SIPA1L1: variants seen among roughly 807,000 people sequenced by gnomAD.
The protein encoded by SIPA1L1 is signal induced proliferation associated 1 like 1.
In SIPA1L1, 26 loss-of-function variants were observed where a neutral mutation model predicts 162.7. The observed-to-expected ratio is 0.16, with a 90% CI of 0.12 to 0.22. The LOEUF is 0.22. SIPA1L1 is among the 10% of genes least tolerant of loss of function. The pLI is 1.00. For missense variants in SIPA1L1, 1,874 were observed against 2,241.0 expected (o/e 0.84, Z 3.31); for synonymous variants, 829 against 837.4 (o/e 0.99, Z 0.17).
At chr14:71,359,910 A>G (rs2037639098) in intron 2 of SIPA1L1, among the ~76,000 whole-genome samples, 1 of 152,218 alleles carries the variant, frequency 6.6e-6, no homozygotes, top group Non-Finnish European at 1.5e-5. Flanking sequence ...ACAGACTTGG[A>G]CATGTAGCTG....
chr14:71,397,281 T>C (rs937485816), intron 2 of SIPA1L1, among the ~76,000 whole-genome samples: 2 of 152,214 alleles, frequency 1.3e-5, no homozygotes, highest in Non-Finnish European at 2.9e-5. Context: ...GTTTTCCGTG[T>C]GTTGTCAGTT....
chr14:71,394,867 A>G (rs988234342), intron 2 of SIPA1L1, among the ~76,000 whole-genome samples: 50 of 152,234 alleles, frequency 3.3e-4, no homozygotes, highest in Non-Finnish European at 1.0e-4. Context: ...TCGTTTTAAT[A>G]CTAACTCAAA....
At chr14:71,681,092 G>A (rs564817071) in intron 12 of SIPA1L1, among the ~76,000 whole-genome samples, 2 of 152,198 alleles carry the variant, frequency 1.3e-5, no homozygotes, top group Non-Finnish European at 2.9e-5. Flanking sequence ...ATGAGGCTGG[G>A]AGAAGTTCAG....
At chr14:71,500,818 C>A (rs1333198583) in intron 2 of SIPA1L1, among the ~76,000 whole-genome samples, 1 of 151,036 alleles carries the variant, frequency 6.6e-6, no homozygotes, top group East Asian at 2.0e-4. Flanking sequence ...ACCAGCCTGA[C>A]CAACATGGAG....
chr14:71,663,201 A>T (rs1431097858), intron 10 of SIPA1L1, among the ~76,000 whole-genome samples: 2 of 152,206 alleles, frequency 1.3e-5, no homozygotes, highest in Non-Finnish European at 2.9e-5. Context: ...TTATTTACTC[A>T]GTATATCTAA....
chr14:71,324,001 G>A (rs961946126), intron 2 of SIPA1L1, among the ~76,000 whole-genome samples: 2 of 152,038 alleles, frequency 1.3e-5, no homozygotes, highest in African/African-American at 4.8e-5. Flanking sequence ...AGAAGGTCTG[G>A]GTTTCAAATA....
chr14:71,372,721 A>G (rs1427905239), intron 2 of SIPA1L1, among the ~76,000 whole-genome samples: 1 of 152,150 alleles, frequency 6.6e-6, no homozygotes, highest in Non-Finnish European at 1.5e-5. Context: ...GGCAAGTTAT[A>G]GCCATAAACA....
chr14:71,672,453 C>T lies in SIPA1L1; in HGVS notation c.2935C>T (p.Pro979Ser), dbSNP rs139827090. 38 of 1,614,194 alleles carry T rather than the reference C, an allele frequency of 2.4e-5. No individual in the cohort carries two copies. Among genetic ancestry groups the T allele is most frequent in the Non-Finnish European group, 2.6e-5 (31 of 1,180,038 alleles). ...NYEGIVADVE[P>S]YGYAWQAGLR... The stretch of plus-strand genomic sequence containing the variant: ...TGAGGGCATTGTGGCGGATGTGGAG[C>T]CCTACGGTTATGCCTGGCAGGCAGG... The change falls in exon 12 of 24, where the codon CCC becomes TCC. Residue 979 changes from proline to serine, a missense_variant. This residue lies in a region of SIPA1L1 where 936 missense variants were observed against 1,051.9 expected (regional missense o/e 0.89). Coordinates refer to ENST00000381232, the MANE Select transcript of SIPA1L1 (RefSeq NM_001386936.1).
At chr14:71,404,030 CAGTT>C (rs559909062) in intron 2 of SIPA1L1, among the ~76,000 whole-genome samples, 26 of 112,126 alleles carry the variant, frequency 2.3e-4, no homozygotes, top group African/African-American at 8.7e-4. Context: ...GTTTTGGTTT[CAGTT>C]AAAGTCAGTA....
chr14:71,380,695 A>T (rs542152819), intron 2 of SIPA1L1, among the ~76,000 whole-genome samples: 1 of 152,324 alleles, frequency 6.6e-6, no homozygotes, highest in Non-Finnish European at 1.5e-5. Flanking sequence ...CATAGCTCTT[A>T]GCCTTGGGAA....
At chr14:71,647,940 C>T (rs2042312256) in intron 7 of SIPA1L1, among the ~76,000 whole-genome samples, 1 of 152,006 alleles carries the variant, frequency 6.6e-6, no homozygotes, top group Non-Finnish European at 1.5e-5. Context: ...AACTAAGTCC[C>T]GAATGTGTGC....
intron 4 of SIPA1L1, among the ~76,000 whole-genome samples, chr14:71,567,376 T>C (rs971220000): frequency 3.3e-5 from 5 of 152,106 alleles, no homozygotes; most frequent in Admixed American, 3.3e-4. Context: ...AATTCTGGTG[T>C]ATGCAAAAAA....
chr14:71,601,752 G>T (rs1009482882), intron 5 of SIPA1L1, among the ~76,000 whole-genome samples: 7 of 152,048 alleles, frequency 4.6e-5, no homozygotes, highest in Non-Finnish European at 1.0e-4. Context: ...ATTACTGCAT[G>T]ATCTTATAAC....
At position 71,661,303 on chromosome 14, in the gene SIPA1L1, CT is replaced by C; in HGVS notation, c.2098-5del. ...TATTTATGTTGGTTGCTTATTTTTT[CT>C]TGTAGCTCCTGAGGAAGCGGCACAT... On this transcript the variant is annotated splice_region_variant and splice_polypyrimidine_tract_variant and intron_variant, in intron 9 of 23. Coordinates refer to ENST00000381232, the MANE Select transcript of SIPA1L1 (RefSeq NM_001386936.1). 1 of 1,608,178 alleles carries C rather than the reference CT, an allele frequency of 6.2e-7. No homozygotes were observed.
chr14:71,434,375 A>G lies in SIPA1L1; in HGVS notation c.-464-78368A>G, dbSNP rs149318954. Among the ~76,000 whole-genome samples the G allele has an allele frequency of 4.6e-3, 696 of 152,312 alleles. 6 individuals carry two copies. Among genetic ancestry groups the G allele is most frequent in the Middle Eastern group, 6.8e-3 (2 of 294 alleles). On this transcript the variant is annotated intron_variant, in intron 2 of 23. Transcript: ENST00000381232. ...TGAGTATCACAGATGAAGTAAGTTT[A>G]ATCACAAAGTAATTAGATTTTTAAA... is the stretch of plus-strand genomic sequence containing the variant.
chr14:71,353,540 G>A (rs2036925386), intron 2 of SIPA1L1, among the ~76,000 whole-genome samples: 1 of 152,164 alleles, frequency 6.6e-6, no homozygotes, highest in African/African-American at 2.4e-5. Context: ...GCATTGACCT[G>A]GTCTTACCTA....
chr14:71,429,211 G>A (rs935439231), intron 2 of SIPA1L1, among the ~76,000 whole-genome samples: 1 of 152,128 alleles, frequency 6.6e-6, no homozygotes. Flanking sequence ...TTTAATAGAA[G>A]TAATAAATTA....
At chr14:71,713,430 G>T (rs185996182) in intron 17 of SIPA1L1, among the ~76,000 whole-genome samples, 213 of 152,318 alleles carry the variant, frequency 1.4e-3, no homozygotes, top group Non-Finnish European at 2.5e-3. Flanking sequence ...ATAAAAGTTT[G>T]TAAACTCTAC....
intron 2 of SIPA1L1, among the ~76,000 whole-genome samples, chr14:71,363,790 G>A (rs1344963522): frequency 6.6e-6 from 1 of 152,206 alleles, no homozygotes; most frequent in Admixed American, 6.5e-5. Context: ...CACCAGCAAA[G>A]TGTCAGCCCA....
Sources: gnomAD v4.1 joint callset for allele counts (sites outside exome capture counted in the v4.1 genomes callset) on GRCh38, gnomAD v4.1.1 for gene constraint, gnomAD v4.1.1 regional missense constraint, MANE v1.5 for transcripts, NCBI Gene and HGNC (gene_info 2026-07-23, HGNC 2026-07-21) for gene names.